DDX43: variants seen among roughly 807,000 people sequenced by gnomAD.
The protein encoded by DDX43 is DEAD-box helicase 43.
Under a neutral mutation model 84.9 loss-of-function variants are expected in DDX43, and 50 were observed. The ratio of observed to expected loss-of-function variants is 0.59; its 90% CI spans 0.47 to 0.75. The LOEUF (loss-of-function observed/expected upper bound fraction) is 0.75. DDX43 is among the 30% of genes least tolerant of loss of function. The pLI, the probability that DDX43 is intolerant of heterozygous loss-of-function variation, is 0.00. For synonymous variants in DDX43, 291 were observed against 266.3 expected (o/e 1.09, Z -0.90); for missense variants, 689 against 798.6 (o/e 0.86, Z 1.65).
rs569129724 is a variant in DDX43, at chr6:73,411,857, C to A, written c.1281-348C>A. On this transcript the variant is annotated intron_variant, in intron 10 of 16. Coordinates refer to ENST00000370336, the MANE Select transcript of DDX43 (RefSeq NM_018665.3). ...GGATTACAGGCGTCCGCTAACACAC[C>A]CAGCTGATTTTTGTATTTTCAGTAG... Among the ~76,000 whole-genome samples, 9 of 152,166 alleles carry A rather than the reference C, an allele frequency of 5.9e-5. No homozygotes were observed. In the South Asian group the frequency reaches 1.9e-3, roughly 32 times the overall value.
chr6:73,412,936 C>G lies in DDX43; in HGVS notation c.1368+644C>G, dbSNP rs531403345. Among the ~76,000 whole-genome samples, 16 of 152,222 alleles carry G rather than the reference C, an allele frequency of 1.1e-4. No homozygotes were observed. In the East Asian group the frequency reaches 2.5e-3, roughly 24 times the overall value. On this transcript the variant is annotated intron_variant, in intron 11 of 16. Coordinates refer to ENST00000370336, the MANE Select transcript of DDX43 (RefSeq NM_018665.3). ...TAGAGACAGGGTTTTGCCATGTTGG[C>G]CAGGCTGGTCTCAAACTCCTGACCT... is the stretch of plus-strand genomic sequence containing the variant.
At chr6:73,413,620 T>A in intron 11 of DDX43, 38 bp from the exon 12 acceptor site, 1 of 1,601,622 alleles carries the variant, frequency 6.2e-7, no homozygotes, top group Non-Finnish European at 8.5e-7. Flanking sequence ...CCCTCAATCA[T>A]GATGACCTTG....
chr6:73,408,486 C>G (rs1769721664), intron 9 of DDX43, among the ~76,000 whole-genome samples: 1 of 152,114 alleles, frequency 6.6e-6, no homozygotes, highest in South Asian at 2.1e-4. Flanking sequence ...TCCCCTTGAG[C>G]TTTTAATAGT....
At position 73,416,149 on chromosome 6, in the gene DDX43, T is replaced by C. The variant is rs1209313064; in HGVS notation, c.1870T>C (p.Phe624Leu). ...PEELVSMAERFKAHQQKREME... is the reference protein window; with the variant it reads ...PEELVSMAERLKAHQQKREME... ...GGAGCTTGTATCAATGGCTGAGAGG[T>C]TTAAGGCACATCAACAGAAAAGGGA... Residue 624 changes from phenylalanine to leucine, a missense_variant, in exon 16 of 17, where the codon TTT (phenylalanine) becomes CTT (leucine). Physicochemically the swap from Phe to Leu is conservative, Grantham distance 22. Coordinates refer to ENST00000370336, the MANE Select transcript of DDX43 (RefSeq NM_018665.3). 5 of 1,591,380 alleles carry C rather than the reference T, an allele frequency of 3.1e-6. No individual in the cohort carries two copies. In the East Asian group the frequency reaches 8.9e-5, roughly 28 times the overall value.
intron 2 of DDX43, 39 bp from the exon 3 acceptor site, chr6:73,400,195 G>A (rs1769538106): frequency 6.5e-7 from 1 of 1,540,202 alleles, no homozygotes; most frequent in East Asian, 2.3e-5. Flanking sequence ...GTTTTTTAGG[G>A]AAATTTTAAG....
At position 73,414,051 on chromosome 6, in the gene DDX43, G is replaced by A; in HGVS notation, c.1578G>A (p.Arg526=). 6.2e-7 allele frequency: 1 copy of A among 1,607,366 alleles called. No homozygotes were observed. Among genetic ancestry groups the A allele is most frequent in the South Asian group, 1.1e-5 (1 of 90,926 alleles). Residue 526 remains arginine (R), a synonymous_variant, in exon 13 of 17, where the codon CGG becomes CGA. Coordinates refer to ENST00000370336, the MANE Select transcript of DDX43 (RefSeq NM_018665.3). The stretch of plus-strand genomic sequence containing the variant: ...ATGGAGATAGAGAACAGAGAGATCG[G>A]GAGAAAGCATTAGAGAACTTTAAAA... ...SLHGDREQRD[R]EKALENFKTG... is the part of the protein sequence containing the mutation.
intron 10 of DDX43, among the ~76,000 whole-genome samples, chr6:73,409,856 C>G (rs1010913595): frequency 2.0e-5 from 3 of 151,996 alleles, no homozygotes; most frequent in Non-Finnish European, 4.4e-5. Context: ...CATGGTGAAA[C>G]CTCGTCTCTA....
chr6:73,407,775 G>C (rs112149448), intron 8 of DDX43, among the ~76,000 whole-genome samples, 160 bp downstream of exon 8: 1 of 152,236 alleles, frequency 6.6e-6, no homozygotes, highest in East Asian at 1.9e-4. Flanking sequence ...CCTGGGTCAG[G>C]TGATGGTACA....
rs1337455136 is a variant in DDX43, at chr6:73,412,664, T to TGC, written c.1368+373_1368+374insCG. On this transcript the variant is annotated intron_variant, in intron 11 of 16. Transcript: ENST00000370336. ...GTGTGTGTGTGTGTGTGTGTGTGTG[T>TGC]GTGTGCGCGCGCGCGTGTGTGTGTG... Among the ~76,000 whole-genome samples the TGC allele has an allele frequency of 2.5e-3, 226 of 88,914 alleles. 10 individuals are homozygous for TGC. The highest frequency in any genetic ancestry group is 4.1e-3 in the Non-Finnish European group (173 of 41,950). 58.3% of individuals were successfully genotyped at this position (88,914 alleles called of 152,430 possible).
chr6:73,412,652 T>A (rs1769811712), intron 11 of DDX43, among the ~76,000 whole-genome samples: 1 of 83,450 alleles, frequency 1.2e-5, no homozygotes, highest in Non-Finnish European at 2.6e-5. Context: ...TGTGTGTGTG[T>A]GTGTGTGTGT....
Position 73,409,233 on chromosome 6 carries a change from T to C in DDX43, c.1180-15T>C, listed in dbSNP as rs984610298. 7 of 1,604,924 alleles carry C rather than the reference T, an allele frequency of 4.4e-6. No individual in the cohort carries two copies. Among genetic ancestry groups the C allele is most frequent in the Non-Finnish European group, 6.0e-6 (7 of 1,171,666 alleles). ...CCCATATCTAATCTAACCACATTCT[T>C]TTTTGTCAATGCAGGTTTTAGATGA... is the stretch of plus-strand genomic sequence containing the variant. On this transcript the variant is annotated splice_polypyrimidine_tract_variant and intron_variant, in intron 9 of 16. Coordinates refer to ENST00000370336, the MANE Select transcript of DDX43 (RefSeq NM_018665.3).
In DDX43 at chr6:73,405,700, G is replaced by A. The variant is rs778083362; in HGVS notation, c.672G>A (p.Thr224=). The A allele has an allele frequency of 7.4e-6, 12 of 1,613,712 alleles. No homozygotes were observed. The highest frequency in any genetic ancestry group is 1.6e-4 in the Middle Eastern group (1 of 6,082). The change falls in exon 6 of 17, where the codon ACG becomes ACA. Residue 224 remains threonine (T), a synonymous_variant. Coordinates refer to ENST00000370336, the MANE Select transcript of DDX43 (RefSeq NM_018665.3). ...GAAGGAAAGAAAATTTTAATATAAC[G>A]TGGGATGACTTGAAGGATGGGGAGA... is the stretch of plus-strand genomic sequence containing the variant. ...DSWRKENFNI[T]WDDLKDGEKR...
At chr6:73,399,741 C>T (rs549679356) in intron 2 of DDX43, among the ~76,000 whole-genome samples, 1 of 152,236 alleles carries the variant, frequency 6.6e-6, no homozygotes, top group Non-Finnish European at 1.5e-5. Flanking sequence ...ACGTAAGCCC[C>T]TGACAGTATA....
chr6:73,414,406 T>C (rs1244314232), intron 13 of DDX43, 142 bp from the exon 14 acceptor site: 1 of 791,252 alleles, frequency 1.3e-6, no homozygotes, highest in African/African-American at 1.8e-5. Flanking sequence ...CGGCAGTTAC[T>C]TTTCCATTTT....
chr6:73,410,227 C>T (rs938241314), intron 10 of DDX43, among the ~76,000 whole-genome samples: 7 of 152,254 alleles, frequency 4.6e-5, no homozygotes, highest in Admixed American at 6.5e-5. Flanking sequence ...AGTGCAGCAG[C>T]GCGATCTCGG....
chr6:73,414,940 G>A (rs775986450), intron 14 of DDX43, among the ~76,000 whole-genome samples: 15 of 152,080 alleles, frequency 9.9e-5, no homozygotes, highest in Non-Finnish European at 1.6e-4. Context: ...TCTGTACCCA[G>A]TGGTTACTCT....
At chr6:73,402,472 T>C (rs1236051305) in intron 4 of DDX43, among the ~76,000 whole-genome samples, 1 of 152,234 alleles carries the variant, frequency 6.6e-6, no homozygotes, top group Non-Finnish European at 1.5e-5. Context: ...GAGATCTCAC[T>C]ATCCTGTCCA....
chr6:73,405,951 C>T, intron 6 of DDX43, 116 bp downstream of exon 6: 1 of 936,868 alleles, frequency 1.1e-6, no homozygotes, highest in East Asian at 2.8e-5. Context: ...GCACCTTCTC[C>T]CTAGAGTTCA....
At position 73,412,274 on chromosome 6, in the gene DDX43, T is replaced by C. The variant is rs1769801697; in HGVS notation, c.1350T>C (p.Val450=). 1 of 1,612,274 alleles carries C rather than the reference T, an allele frequency of 6.2e-7. No individual in the cohort carries two copies. Among genetic ancestry groups the C allele is most frequent in the African/African-American group, 1.3e-5 (1 of 74,862 alleles). ...SYLKEPMIVY[V]GTLDLVAVSS... ...TGAAAGAACCAATGATTGTCTATGTTGGTACATTGGATCTAGTTGTAAGCT... is the reference window on the plus strand; with the variant it reads ...TGAAAGAACCAATGATTGTCTATGTCGGTACATTGGATCTAGTTGTAAGCT... The change falls in exon 11 of 17, where the codon GTT becomes GTC. Residue 450 remains valine, a synonymous_variant. Coordinates refer to ENST00000370336, the MANE Select transcript of DDX43 (RefSeq NM_018665.3).
Sources: allele counts gnomAD v4.1 joint callset (sites outside exome capture counted in the v4.1 genomes callset), GRCh38; gene constraint gnomAD v4.1.1; transcripts MANE v1.5; gene names NCBI Gene and HGNC (gene_info 2026-07-23, HGNC 2026-07-21).